The following MBNL2 variants were observed in gnomAD, a reference collection of about 807,000 sequenced individuals.
MBNL2 encodes the protein muscleblind-like protein 2.
A neutral mutation model predicts 41.9 loss-of-function variants in MBNL2; 17 were observed. The observed-to-expected ratio is 0.41, with a 90% CI of 0.28 to 0.61. The LOEUF is 0.61. Ranked by LOEUF, MBNL2 falls within the 20% of genes least tolerant of loss-of-function variation. The pLI, the probability that MBNL2 is intolerant of heterozygous loss-of-function variation, is 0.35. For synonymous variants in MBNL2, 195 were observed against 182.9 expected (o/e 1.07, Z -0.53); for missense variants, 336 against 505.6 (o/e 0.66, Z 3.22).
intron 5 of MBNL2, among the ~76,000 whole-genome samples, chr13:97,350,528 G>C (rs942116305): frequency 2.0e-5 from 3 of 152,164 alleles, no homozygotes; most frequent in African/African-American, 4.8e-5. Flanking sequence ...TTTCAAAATG[G>C]GAGACAGTCC....
chr13:97,141,878 T>C, the MBNL2 span, among the ~76,000 whole-genome samples: 3 of 152,194 alleles, frequency 2.0e-5, no homozygotes, highest in Admixed American at 6.5e-5. Flanking sequence ...TGGAGAGCTG[T>C]GTCTGAGGAG....
chr13:97,345,456 T>C (rs1254686691), intron 4 of MBNL2, among the ~76,000 whole-genome samples: 3 of 152,214 alleles, frequency 2.0e-5, no homozygotes, highest in Admixed American at 2.0e-4. Context: ...TACAGTAAAA[T>C]CTTGATCCAC....
chr13:97,170,259 A>G, the MBNL2 span, among the ~76,000 whole-genome samples: 4 of 152,130 alleles, frequency 2.6e-5, no homozygotes, highest in African/African-American at 9.7e-5. Context: ...GATAATTACC[A>G]CTCCCATTTA....
At chr13:97,383,847 AT>A (rs1484585372) in intron 8 of MBNL2, among the ~76,000 whole-genome samples, 1 of 152,004 alleles carries the variant, frequency 6.6e-6, no homozygotes, top group Non-Finnish European at 1.5e-5. Context: ...GAATCAGACT[AT>A]TTTTAAGTGT....
chr13:97,313,282 A>G (rs2058761167), intron 2 of MBNL2, among the ~76,000 whole-genome samples: 1 of 152,154 alleles, frequency 6.6e-6, no homozygotes, highest in Non-Finnish European at 1.5e-5. Flanking sequence ...TAAGCTATCA[A>G]TTTGCTTATT....
At chr13:97,329,703 TGCAGC>T (rs2060239631) in intron 2 of MBNL2, among the ~76,000 whole-genome samples, 2 of 284 alleles carry the variant, frequency 7.0e-3, no homozygotes, top group Non-Finnish European at 6.1e-3. Context: ...TACACACACA[TGCAGC>T]ACACATACAA....
intron 2 of MBNL2, among the ~76,000 whole-genome samples, chr13:97,297,793 G>C (rs910535541): frequency 6.6e-6 from 1 of 152,226 alleles, no homozygotes; most frequent in Non-Finnish European, 1.5e-5. Context: ...CAAGAGGTCT[G>C]AATGCAGTTG....
At chr13:97,386,404 A>G (rs1320003579) in intron 8 of MBNL2, among the ~76,000 whole-genome samples, 1 of 152,244 alleles carries the variant, frequency 6.6e-6, no homozygotes, top group Non-Finnish European at 1.5e-5. Flanking sequence ...TGGCAAATGA[A>G]AAGGTCAAGT....
At chr13:97,383,632 ACTC>A (rs1296070842) in intron 8 of MBNL2, among the ~76,000 whole-genome samples, 2 of 152,032 alleles carry the variant, frequency 1.3e-5, no homozygotes, top group Non-Finnish European at 2.9e-5. Flanking sequence ...TTCTGGCAAA[ACTC>A]CTCTTGAAGG....
chr13:97,363,691 G>A (rs920727366), intron 7 of MBNL2, among the ~76,000 whole-genome samples: 1 of 152,104 alleles, frequency 6.6e-6, no homozygotes, highest in African/African-American at 2.4e-5. Context: ...AAACATTTAT[G>A]TGTAGGTAGA....
chr13:97,169,906 G>T, the MBNL2 span, among the ~76,000 whole-genome samples: 2 of 152,164 alleles, frequency 1.3e-5, no homozygotes, highest in Non-Finnish European at 2.9e-5. Context: ...TTGATTTCTT[G>T]ACTTTAATCC....
At chr13:97,164,530 T>G in the MBNL2 span, among the ~76,000 whole-genome samples, 2 of 152,082 alleles carry the variant, frequency 1.3e-5, no homozygotes, top group African/African-American at 4.8e-5. Context: ...AATGCCTAAT[T>G]GCAAGTTTAG....
chr13:97,352,308 C>T (rs1275563732), intron 5 of MBNL2, among the ~76,000 whole-genome samples: 2 of 152,208 alleles, frequency 1.3e-5, no homozygotes, highest in Non-Finnish European at 2.9e-5. Flanking sequence ...GCCTTCCTCA[C>T]TAAGCTTAAT....
chr13:97,351,263 A>G (rs2062425344), intron 5 of MBNL2, among the ~76,000 whole-genome samples: 1 of 152,230 alleles, frequency 6.6e-6, no homozygotes, highest in Admixed American at 6.5e-5. Context: ...ATATACTGTC[A>G]TCCAGGCTTT....
the MBNL2 span, among the ~76,000 whole-genome samples, chr13:97,178,792 G>A: frequency 6.6e-6 from 1 of 152,150 alleles, no homozygotes; most frequent in African/African-American, 2.4e-5. Flanking sequence ...AGCGACTGGG[G>A]AGGCTGAGGT....
chr13:97,298,756 C>T (rs2057321749), intron 2 of MBNL2, among the ~76,000 whole-genome samples: 2 of 152,132 alleles, frequency 1.3e-5, no homozygotes, highest in African/African-American at 4.8e-5. Flanking sequence ...TCACACGTAC[C>T]TATTAAAGTA....
chr13:97,377,953 G>A (rs1323679605), intron 8 of MBNL2, among the ~76,000 whole-genome samples: 1 of 152,186 alleles, frequency 6.6e-6, no homozygotes, highest in Non-Finnish European at 1.5e-5. Flanking sequence ...TGGAACTTAT[G>A]TGGGGAGAGG....
chr13:97,264,913 G>T (rs574214103), intron 1 of MBNL2, among the ~76,000 whole-genome samples: 2 of 152,318 alleles, frequency 1.3e-5, no homozygotes, highest in South Asian at 2.1e-4. Flanking sequence ...TACAGCCATT[G>T]GTTCCTGGAC....
the MBNL2 span, among the ~76,000 whole-genome samples, chr13:97,166,838 AGAAAGAT>A: frequency 3.3e-5 from 4 of 121,984 alleles, no homozygotes; most frequent in South Asian, 1.0e-3. Flanking sequence ...ATAGATAGAT[AGAAAGAT>A]AGATAGAGAT....
Sources: gnomAD v4.1 joint callset for allele counts (sites outside exome capture counted in the v4.1 genomes callset) on GRCh38, gnomAD v4.1.1 for gene constraint, MANE v1.5 for transcripts, NCBI Gene and HGNC (gene_info 2026-07-23, HGNC 2026-07-21) for gene names.